The following FNBP1L variants were observed in gnomAD, a reference collection of about 807,000 sequenced individuals.
The protein encoded by FNBP1L is formin-binding protein 1-like.
FNBP1L carries 36 observed loss-of-function variants against 91.2 expected under a neutral mutation model. That is an observed-to-expected ratio of 0.39 (90% CI 0.30 to 0.52). The LOEUF (loss-of-function observed/expected upper bound fraction) is 0.52. FNBP1L is among the 20% of genes least tolerant of loss of function. The pLI, the probability that FNBP1L is intolerant of heterozygous loss-of-function variation, is 0.66. For missense variants in FNBP1L, 571 were observed against 732.1 expected, an observed-to-expected ratio of 0.78 and a Z score of 2.54; for synonymous variants, 242 against 237.0, an observed-to-expected ratio of 1.02 and a Z score of -0.19.
intron 2 of FNBP1L, among the ~76,000 whole-genome samples, chr1:93,519,495 C>T (rs1671245969): frequency 6.6e-6 from 1 of 152,138 alleles, no homozygotes; most frequent in Admixed American, 6.5e-5. Flanking sequence ...CTCTATTGTT[C>T]TTACCATATT....
At chr1:93,521,002 A>G (rs1671302766) in intron 2 of FNBP1L, among the ~76,000 whole-genome samples, 1 of 152,220 alleles carries the variant, frequency 6.6e-6, no homozygotes, top group Non-Finnish European at 1.5e-5. Flanking sequence ...AGATCGCCCC[A>G]CTGCACTCCA....
At chr1:93,525,830 C>A (rs1671474226) in intron 5 of FNBP1L, among the ~76,000 whole-genome samples, 1 of 152,066 alleles carries the variant, frequency 6.6e-6, no homozygotes, top group Non-Finnish European at 1.5e-5. Context: ...TCTGGAGGTA[C>A]AAAAGTAAGT....
rs991512677 is a variant in FNBP1L, at chr1:93,522,104, C to G, written c.163C>G (p.Pro55Ala). 1 of 1,523,096 alleles carries G rather than the reference C, an allele frequency of 6.6e-7. No homozygotes were observed. Among genetic ancestry groups the G allele is most frequent in the Non-Finnish European group, 8.8e-7 (1 of 1,134,506 alleles). 94.3% of individuals were successfully genotyped at this position (1,523,096 alleles called of 1,614,324 possible). A position where few individuals can be genotyped will look rare whatever the true frequency, so the allele number is the denominator to read the frequency against. ...QLRNLVKKYCPKRSSKDEEPR... is the reference protein window; with the variant it reads ...QLRNLVKKYCAKRSSKDEEPR... ...TAGAAATCTGGTTAAGAAGTACTGC[C>G]CCAAACGTTCATCCAAAGATGAAGA... is the stretch of plus-strand genomic sequence containing the variant. The change falls in exon 3 of 17, where the codon CCC becomes GCC. Residue 55 changes from proline (P) to alanine (A), a missense_variant. Pro to Ala is a conservative substitution (Grantham distance 27, BLOSUM62 -1). Around this residue, in one of 5 missense-constraint regions of FNBP1L, gnomAD observed 220 missense variants for 313.6 expected, o/e 0.70. Coordinates refer to ENST00000271234, the MANE Select transcript of FNBP1L (RefSeq NM_001164473.3).
At chr1:93,459,459 C>G (rs1028491153) in intron 1 of FNBP1L, among the ~76,000 whole-genome samples, 1 of 152,162 alleles carries the variant, frequency 6.6e-6, no homozygotes, top group African/African-American at 2.4e-5. Flanking sequence ...AATTGGCCAA[C>G]ATGTATATGA....
chr1:93,476,804 G>T (rs1007751426), intron 1 of FNBP1L, among the ~76,000 whole-genome samples: 10 of 152,132 alleles, frequency 6.6e-5, no homozygotes, highest in African/African-American at 2.4e-4. Context: ...AAAATCCATT[G>T]TAGCCAGAGC....
chr1:93,499,578 A>G lies in FNBP1L; in HGVS notation c.135A>G (p.Gln45=), dbSNP rs375455958. 50 of 1,556,428 alleles carry G rather than the reference A, an allele frequency of 3.2e-5. No homozygotes were observed. Among genetic ancestry groups the G allele is most frequent in the Admixed American group, 2.1e-4 (10 of 47,772 alleles). The change falls in exon 2 of 17, where the codon CAA becomes CAG. Residue 45 remains glutamine (Q), a synonymous_variant. Coordinates refer to ENST00000271234, the MANE Select transcript of FNBP1L (RefSeq NM_001164473.3). The part of the protein sequence containing the change: ...RIEIEQNYAK[Q]LRNLVKKYCP... ...AAATTGAACAGAACTATGCGAAACA[A>G]TTGAGGTAAGTTAATTTTTTTTTCA...
intron 1 of FNBP1L, among the ~76,000 whole-genome samples, chr1:93,475,357 G>A (rs183880148): frequency 2.2e-3 from 337 of 151,948 alleles, no homozygotes; most frequent in African/African-American, 7.7e-3. Context: ...CAGAAGCAAC[G>A]TAGAGAGACA....
intron 1 of FNBP1L, among the ~76,000 whole-genome samples, chr1:93,474,290 G>A (rs1217169129): frequency 6.9e-5 from 10 of 144,340 alleles, no homozygotes; most frequent in Non-Finnish European, 1.2e-4. Context: ...TCCTACTTCA[G>A]GATGCCTCCA....
intron 1 of FNBP1L, among the ~76,000 whole-genome samples, chr1:93,449,148 C>T (rs888872463): frequency 2.0e-5 from 3 of 152,212 alleles, no homozygotes; most frequent in Admixed American, 6.5e-5. Flanking sequence ...CCTTGCCTTT[C>T]TTTGGCACAG....
intron 1 of FNBP1L, among the ~76,000 whole-genome samples, chr1:93,492,459 T>A (rs1369778250): frequency 6.6e-6 from 1 of 152,198 alleles, no homozygotes; most frequent in Non-Finnish European, 1.5e-5. Context: ...GTTTATATGT[T>A]ATCTAAAAAA....
intron 1 of FNBP1L, among the ~76,000 whole-genome samples, chr1:93,471,629 C>T (rs1369961813): frequency 6.6e-6 from 1 of 152,148 alleles, no homozygotes; most frequent in African/African-American, 2.4e-5. Flanking sequence ...GAGGTGGAGC[C>T]TGCAGTGAGC....
chr1:93,456,603 A>T (rs1668670705), intron 1 of FNBP1L, among the ~76,000 whole-genome samples: 1 of 116,940 alleles, frequency 8.6e-6, no homozygotes, highest in East Asian at 2.4e-4. Context: ...CTTCTCTACC[A>T]AAAAAAAAAA....
chr1:93,541,972 G>A (rs1011671787), intron 11 of FNBP1L, among the ~76,000 whole-genome samples: 1 of 151,806 alleles, frequency 6.6e-6, no homozygotes, highest in Non-Finnish European at 1.5e-5. Context: ...TTACTTGTAG[G>A]TTATTGTGAG....
intron 1 of FNBP1L, among the ~76,000 whole-genome samples, chr1:93,493,449 GT>G (rs1381229513): frequency 6.6e-6 from 1 of 152,098 alleles, no homozygotes; most frequent in African/African-American, 2.4e-5. Flanking sequence ...TGATACTGTT[GT>G]ACAACCATCA....
chr1:93,516,712 AG>A (rs1282396619), intron 2 of FNBP1L, among the ~76,000 whole-genome samples: 16 of 152,014 alleles, frequency 1.1e-4, no homozygotes, highest in African/African-American at 3.9e-4. Flanking sequence ...AGGCTGAGGC[AG>A]GAGAAAAAAA....
chr1:93,540,957 A>T, intron 10 of FNBP1L, 85 bp from the exon 11 acceptor site: 2 of 1,210,904 alleles, frequency 1.7e-6, no homozygotes, highest in Non-Finnish European at 2.3e-6. Context: ...AGTATTGTGA[A>T]AAAGAATAGG....
chr1:93,501,911 G>A (rs2101727225), intron 2 of FNBP1L, among the ~76,000 whole-genome samples: 1 of 151,624 alleles, frequency 6.6e-6, no homozygotes, highest in East Asian at 1.9e-4. Flanking sequence ...AAATACAAGT[G>A]AGCAAAGGTG....
chr1:93,513,913 T>G (rs1670963007), intron 2 of FNBP1L, among the ~76,000 whole-genome samples: 2 of 152,294 alleles, frequency 1.3e-5, no homozygotes, highest in South Asian at 4.1e-4. Flanking sequence ...TTGGAAGTTC[T>G]GGCCAGGGCA....
intron 1 of FNBP1L, among the ~76,000 whole-genome samples, chr1:93,488,120 G>A (rs1669968920): frequency 6.6e-6 from 1 of 152,054 alleles, no homozygotes; most frequent in Non-Finnish European, 1.5e-5. Flanking sequence ...AGAAAATTTT[G>A]TTAACATTAC....
Sources: allele counts gnomAD v4.1 joint callset (sites outside exome capture counted in the v4.1 genomes callset), GRCh38; gene constraint gnomAD v4.1.1; regional missense constraint gnomAD v4.1.1; transcripts MANE v1.5; gene names NCBI Gene and HGNC (gene_info 2026-07-23, HGNC 2026-07-21).